Variants in CNTN4 observed in about 807,000 individuals in gnomAD.
CNTN4 encodes contactin-4.
Under a neutral mutation model 122.5 loss-of-function variants are expected in CNTN4, and 77 were observed. The observed-to-expected ratio is 0.63, with a 90% confidence interval of 0.52 to 0.76. The LOEUF (loss-of-function observed/expected upper bound fraction) is 0.76. CNTN4 is among the 30% of genes least tolerant of loss of function. CNTN4 has a pLI of 0.00. For missense variants in CNTN4, 1,256 were observed against 1,259.1 expected (o/e 1.00, Z 0.04); for synonymous variants, 512 against 447.0 (o/e 1.15, Z -1.83).
chr3:2,290,977 C>G (rs1185540256), intron 2 of CNTN4, among the ~76,000 whole-genome samples: 1 of 152,160 alleles, frequency 6.6e-6, no homozygotes, highest in African/African-American at 2.4e-5. Flanking sequence ...AAATCACCAT[C>G]TCATATTCAG....
chr3:2,253,144 A>T (rs138663001), intron 2 of CNTN4, among the ~76,000 whole-genome samples: 16,400 of 152,152 alleles, frequency 0.11, 1,069 homozygotes, highest in Middle Eastern at 0.15. Context: ...GAAATTGGTC[A>T]AGGTAACTAG....
At chr3:2,123,291 T>A (rs1022739791) in intron 2 of CNTN4, among the ~76,000 whole-genome samples, 1 of 152,208 alleles carries the variant, frequency 6.6e-6, no homozygotes, top group African/African-American at 2.4e-5. Flanking sequence ...TTTCTCAAGG[T>A]CAAGGTCACA....
At chr3:2,670,494 C>T (rs955119247) in intron 4 of CNTN4, among the ~76,000 whole-genome samples, 3 of 152,068 alleles carry the variant, frequency 2.0e-5, no homozygotes, top group South Asian at 2.1e-4. Flanking sequence ...TGTCTCTGCA[C>T]GTGGGATGGG....
At chr3:2,751,749 C>T (rs2090103695) in intron 6 of CNTN4, among the ~76,000 whole-genome samples, 1 of 152,034 alleles carries the variant, frequency 6.6e-6, no homozygotes, top group Admixed American at 6.6e-5. Context: ...TCACTCAACA[C>T]AGCAACTTTT....
intron 3 of CNTN4, among the ~76,000 whole-genome samples, chr3:2,529,591 A>G (rs2077522221): frequency 6.6e-6 from 1 of 152,202 alleles, no homozygotes; most frequent in Non-Finnish European, 1.5e-5. Context: ...CAGAGCCAAT[A>G]AAATGACATA....
intron 13 of CNTN4, among the ~76,000 whole-genome samples, chr3:2,962,213 C>A (rs1051774631): frequency 2.0e-5 from 3 of 152,114 alleles, no homozygotes; most frequent in Non-Finnish European, 4.4e-5. Context: ...AGAATTATGC[C>A]CCTTAGGGAA....
intron 2 of CNTN4, among the ~76,000 whole-genome samples, chr3:2,145,679 A>T (rs1253269383): frequency 1.3e-5 from 2 of 152,206 alleles, no homozygotes; most frequent in Non-Finnish European, 2.9e-5. Context: ...TTTTGGCATA[A>T]ATTAATCATG....
At chr3:2,471,196 T>G (rs2075672432) in intron 3 of CNTN4, among the ~76,000 whole-genome samples, 1 of 152,206 alleles carries the variant, frequency 6.6e-6, no homozygotes, top group South Asian at 2.1e-4. Context: ...CTTCTCAAAC[T>G]AAGTCCCAGA....
chr3:2,971,342 G>C (rs1559735873), intron 13 of CNTN4, among the ~76,000 whole-genome samples: 1 of 125,514 alleles, frequency 8.0e-6, no homozygotes, highest in African/African-American at 4.7e-5. Context: ...ATATCTGTCT[G>C]TCTGTCTGTC....
chr3:2,668,692 C>A (rs1460813981), intron 4 of CNTN4, among the ~76,000 whole-genome samples: 2 of 152,124 alleles, frequency 1.3e-5, no homozygotes, highest in Non-Finnish European at 2.9e-5. Flanking sequence ...GGAATGCTTC[C>A]AGTTTTTGCC....
At position 2,188,119 on chromosome 3, in the gene CNTN4, A is replaced by G. The variant is rs183353283; in HGVS notation, c.-145+87480A>G. Among the ~76,000 whole-genome samples the G allele has an allele frequency of 2.2e-3, 333 of 152,158 alleles. 2 individuals are homozygous for G. The highest frequency in any genetic ancestry group is 7.4e-3 in the African/African-American group (308 of 41,506). ...TGGTTACCTTTTGAGCCCTTCCCCA[A>G]TCATTCCCTAGGCAGAATTTTCTGC... On this transcript the variant is annotated intron_variant, in intron 2 of 24. Coordinates refer to ENST00000418658, the MANE Select transcript of CNTN4 (RefSeq NM_175607.3).
chr3:2,724,879 A>G (rs2088110533), intron 4 of CNTN4, among the ~76,000 whole-genome samples: 2 of 151,970 alleles, frequency 1.3e-5, no homozygotes, highest in African/African-American at 2.4e-5. Context: ...TTTTGTTTAG[A>G]TGAGAAGGAG....
intron 2 of CNTN4, among the ~76,000 whole-genome samples, chr3:2,233,293 AGT>A (rs1559364549): frequency 6.6e-6 from 1 of 152,154 alleles, no homozygotes; most frequent in Non-Finnish European, 1.5e-5. Context: ...ATGAATATTG[AGT>A]ATTTTAATGT....
At chr3:2,404,982 A>G (rs2046982679) in intron 3 of CNTN4, among the ~76,000 whole-genome samples, 1 of 152,184 alleles carries the variant, frequency 6.6e-6, no homozygotes, top group African/African-American at 2.4e-5. Context: ...ATACACAGGG[A>G]GTATAATTTA....
chr3:2,823,830 C>A (rs374273526), intron 7 of CNTN4, among the ~76,000 whole-genome samples: 14 of 152,260 alleles, frequency 9.2e-5, no homozygotes, highest in African/African-American at 3.1e-4. Flanking sequence ...CATTTTATGT[C>A]ACCAAGATGC....
At chr3:2,563,037 T>C (rs1264755675) in intron 3 of CNTN4, among the ~76,000 whole-genome samples, 1 of 152,166 alleles carries the variant, frequency 6.6e-6, no homozygotes, top group African/African-American at 2.4e-5. Context: ...CCAATTTATT[T>C]TTCTCTGGGT....
At chr3:3,052,348 GAC>G (rs1701351668) in intron 23 of CNTN4, among the ~76,000 whole-genome samples, 1 of 152,062 alleles carries the variant, frequency 6.6e-6, no homozygotes, top group South Asian at 2.1e-4. Flanking sequence ...GACATGTTTT[GAC>G]AAACATGTCT....
chr3:2,430,422 CAAAA>C lies in CNTN4; in HGVS notation c.-89+91205_-89+91208del, dbSNP rs545639324. Among the ~76,000 whole-genome samples the C allele has an allele frequency of 2.4e-3, 143 of 60,184 alleles. 1 individual carries two copies. The highest frequency in any genetic ancestry group is 7.5e-3 in the African/African-American group (131 of 17,426). 39.5% of individuals were successfully genotyped at this position (60,184 alleles called of 152,430 possible). A position where few individuals can be genotyped will look rare whatever the true frequency, so the allele number is the denominator to read the frequency against. The stretch of plus-strand genomic sequence containing the variant: ...GGGTGACAGAGCAAGACTCTTGTCT[CAAAA>C]AAAAAAAAAAAAAAAGGAAATGCAG... On this transcript the variant is annotated intron_variant, in intron 3 of 24. Transcript: ENST00000418658.
chr3:2,868,651 A>G (rs1162652874), intron 8 of CNTN4, among the ~76,000 whole-genome samples: 1 of 152,186 alleles, frequency 6.6e-6, no homozygotes. Context: ...CCATTCATTT[A>G]TTCATCCATT....
Sources: allele counts gnomAD v4.1 joint callset (sites outside exome capture counted in the v4.1 genomes callset), GRCh38; gene constraint gnomAD v4.1.1; transcripts MANE v1.5; gene names NCBI Gene and HGNC (gene_info 2026-07-23, HGNC 2026-07-21).